PHYHIPL: variants seen among roughly 807,000 people sequenced by gnomAD.
The protein encoded by PHYHIPL is phytanoyl-CoA 2-hydroxylase interacting protein like, also known as phytanoyl-CoA hydroxylase-interacting protein-like.
Under a neutral mutation model 33.4 loss-of-function variants are expected in PHYHIPL, and 9 were observed. The observed-to-expected ratio is 0.27, with a 90% CI of 0.16 to 0.47. The LOEUF (loss-of-function observed/expected upper bound fraction) is 0.47. Ranked by LOEUF, PHYHIPL falls within the 20% of genes least tolerant of loss-of-function variation. The probability of loss-of-function intolerance (pLI) is 0.99; values close to 1 mark genes in which losing one functional copy is unlikely to be tolerated. For synonymous variants in PHYHIPL, 153 were observed against 154.1 expected (o/e 0.99, Z 0.05); for missense variants, 365 against 460.7 (o/e 0.79, Z 1.90).
intron 1 of PHYHIPL, among the ~76,000 whole-genome samples, chr10:59,184,653 GTAT>G (rs1485779485): frequency 1.3e-5 from 2 of 150,400 alleles, no homozygotes; most frequent in Non-Finnish European, 3.0e-5. Flanking sequence ...TTTTTTTATT[GTAT>G]TATTATTATA....
chr10:59,180,316 A>ATGTGTGTGTATG (rs1219566088), intron 1 of PHYHIPL, among the ~76,000 whole-genome samples: 2 of 5,892 alleles, frequency 3.4e-4, no homozygotes, highest in African/African-American at 1.2e-3. Context: ...TAGAAAAAGT[A>ATGTGTGTGTATG]TATATATATA....
chr10:59,177,333 A>G, intron 1 of PHYHIPL: 1 of 770,040 alleles, frequency 1.3e-6, no homozygotes, highest in Non-Finnish European at 2.0e-6. Context: ...TGCCCTCGGG[A>G]TGTTTCTAGC....
At chr10:59,200,176 T>C (rs1839055784) in intron 1 of PHYHIPL, among the ~76,000 whole-genome samples, 1 of 152,224 alleles carries the variant, frequency 6.6e-6, no homozygotes, top group South Asian at 2.1e-4. Flanking sequence ...CCATTCAGTA[T>C]GATATTGGCT....
chr10:59,234,281 TC>T (rs1840162581), intron 1 of PHYHIPL, 22 bp from the exon 2 acceptor site: 1 of 1,516,716 alleles, frequency 6.6e-7, no homozygotes, highest in Non-Finnish European at 8.8e-7. Context: ...GAAATTAACT[TC>T]CTGTGCATTG....
chr10:59,224,480 CAAAACAAAACAAAACAA>C (rs1839866427), intron 1 of PHYHIPL, among the ~76,000 whole-genome samples: 1 of 150,358 alleles, frequency 6.7e-6, no homozygotes, highest in African/African-American at 2.5e-5. Flanking sequence ...CAAAACAAAA[CAAAACAAAACAAAACAA>C]AAAACAAAAC....
chr10:59,245,609 C>G lies in PHYHIPL; in HGVS notation c.*18C>G, dbSNP rs1840630284. 2 of 1,561,692 alleles carry G rather than the reference C, an allele frequency of 1.3e-6. No homozygotes were observed. The highest frequency in any genetic ancestry group is 1.9e-5 in the Admixed American group (1 of 52,248). On this transcript the variant is annotated 3_prime_UTR_variant, in exon 5 of 5. Transcript: ENST00000373880. ...GACGTTAATGCCCACTTTTCTTATTCTTACTCAGCCCCTTTTCCTCCCTTA... is the reference window on the plus strand; with the variant it reads ...GACGTTAATGCCCACTTTTCTTATTGTTACTCAGCCCCTTTTCCTCCCTTA...
At chr10:59,207,663 C>G (rs1839324377) in intron 1 of PHYHIPL, among the ~76,000 whole-genome samples, 1 of 152,102 alleles carries the variant, frequency 6.6e-6, no homozygotes, top group African/African-American at 2.4e-5. Flanking sequence ...AGGCCAAGGC[C>G]AGCGGATCAT....
At chr10:59,217,841 A>G (rs181044412) in intron 1 of PHYHIPL, among the ~76,000 whole-genome samples, 34 of 152,154 alleles carry the variant, frequency 2.2e-4, no homozygotes, top group African/African-American at 6.7e-4. Context: ...TTTGAGAAAC[A>G]GTTCTTTTTA....
intron 1 of PHYHIPL, among the ~76,000 whole-genome samples, chr10:59,185,830 A>C (rs1339842567): frequency 1.3e-5 from 2 of 151,756 alleles, no homozygotes; most frequent in African/African-American, 2.4e-5. Flanking sequence ...TTTTCTTGTA[A>C]ATTTGTTTGA....
intron 1 of PHYHIPL, among the ~76,000 whole-genome samples, chr10:59,207,522 A>T (rs557283273): frequency 6.6e-6 from 1 of 152,316 alleles, no homozygotes; most frequent in Non-Finnish European, 1.5e-5. Context: ...GGCAGAGCCC[A>T]CCGCAGCTCA....
intron 1 of PHYHIPL, among the ~76,000 whole-genome samples, chr10:59,225,308 G>GA (rs1281910110): frequency 6.6e-6 from 1 of 150,806 alleles, no homozygotes; most frequent in Non-Finnish European, 1.5e-5. Flanking sequence ...AGTATTGCAG[G>GA]AAAAATAGTA....
At chr10:59,219,654 T>C (rs1839709097) in intron 1 of PHYHIPL, among the ~76,000 whole-genome samples, 1 of 152,160 alleles carries the variant, frequency 6.6e-6, no homozygotes, top group South Asian at 2.1e-4. Context: ...CCTTTATATA[T>C]GTCAATTACA....
chr10:59,214,021 G>A (rs1417288627), intron 1 of PHYHIPL, among the ~76,000 whole-genome samples: 1 of 151,996 alleles, frequency 6.6e-6, no homozygotes, highest in East Asian at 1.9e-4. Flanking sequence ...TGATATTTCT[G>A]ATCCATGGGG....
At chr10:59,204,422 A>C (rs961627483) in intron 1 of PHYHIPL, among the ~76,000 whole-genome samples, 1 of 152,196 alleles carries the variant, frequency 6.6e-6, no homozygotes, top group African/African-American at 2.4e-5. Context: ...GTGTATGATG[A>C]CTTTTAACAG....
intron 4 of PHYHIPL, among the ~76,000 whole-genome samples, chr10:59,243,105 A>G (rs1840466324): frequency 6.7e-6 from 1 of 150,074 alleles, no homozygotes; most frequent in African/African-American, 2.5e-5. Flanking sequence ...GATATATTAC[A>G]AACTGAAAAC....
At chr10:59,238,178 G>A (rs1840283527) in intron 3 of PHYHIPL, among the ~76,000 whole-genome samples, 1 of 151,896 alleles carries the variant, frequency 6.6e-6, no homozygotes, top group South Asian at 2.1e-4. Flanking sequence ...CAAGTCTTAT[G>A]TACTCATTAT....
At chr10:59,197,543 A>T (rs1455728220) in intron 1 of PHYHIPL, among the ~76,000 whole-genome samples, 1 of 152,052 alleles carries the variant, frequency 6.6e-6, no homozygotes, top group Non-Finnish European at 1.5e-5. Context: ...CCAAAATTTC[A>T]CTAAGTTCAA....
At chr10:59,241,196 TAA>T (rs1200472142) in intron 4 of PHYHIPL, among the ~76,000 whole-genome samples, 1 of 152,134 alleles carries the variant, frequency 6.6e-6, no homozygotes, top group African/African-American at 2.4e-5. Flanking sequence ...TAACTCTAAT[TAA>T]GACACATTTC....
chr10:59,174,247 C>A (rs1165487718), upstream of PHYHIPL, among the ~76,000 whole-genome samples: 1 of 152,078 alleles, frequency 6.6e-6, no homozygotes, highest in African/African-American at 2.4e-5. Flanking sequence ...CTCTTCTACC[C>A]CTTTCCCGTA....
Sources: gnomAD v4.1 joint callset for allele counts (sites outside exome capture counted in the v4.1 genomes callset) on GRCh38, gnomAD v4.1.1 for gene constraint, MANE v1.5 for transcripts, NCBI Gene and HGNC (gene_info 2026-07-23, HGNC 2026-07-21) for gene names.